The following PPP1R12A variants were observed in gnomAD, a reference collection of about 807,000 sequenced individuals.
PPP1R12A encodes myosin binding subunit.
In PPP1R12A, 19 loss-of-function variants were observed where a neutral mutation model predicts 139.6. The ratio of observed to expected loss-of-function variants is 0.14; its 90% CI spans 0.09 to 0.20. The LOEUF (loss-of-function observed/expected upper bound fraction) is 0.20. Among genes scored for constraint, PPP1R12A ranks in the 10% least tolerant of loss-of-function variants. The pLI is 1.00. For synonymous variants in PPP1R12A, 427 were observed against 420.6 expected (o/e 1.02, Z -0.19); for missense variants, 925 against 1,211.5 (o/e 0.76, Z 3.51).
At chr12:79,847,868 A>G (rs550043804) in intron 2 of PPP1R12A, among the ~76,000 whole-genome samples, 4 of 152,290 alleles carry the variant, frequency 2.6e-5, no homozygotes, top group South Asian at 2.1e-4. Flanking sequence ...TGTGATAGGA[A>G]GTATATACAG....
intron 22 of PPP1R12A, chr12:79,782,326 C>T: frequency 4.5e-6 from 1 of 220,306 alleles, no homozygotes; most frequent in South Asian, 5.9e-5. Flanking sequence ...TTTTTATCTT[C>T]TCCCACAGCT....
At chr12:79,828,061 A>T in intron 5 of PPP1R12A, 1 of 241,128 alleles carries the variant, frequency 4.1e-6, no homozygotes, top group Non-Finnish European at 7.8e-6. Flanking sequence ...AATCTACTCT[A>T]CATGTATGGC....
chr12:79,870,335 C>T (rs1306348847), intron 2 of PPP1R12A, among the ~76,000 whole-genome samples: 3 of 152,080 alleles, frequency 2.0e-5, no homozygotes, highest in South Asian at 4.2e-4. Context: ...AGGCTGGTCT[C>T]GAACTCCTGA....
In PPP1R12A at chr12:79,774,312, G is replaced by A. The variant is rs544986004; in HGVS notation, c.*1617C>T. The A allele has an allele frequency of 6.6e-6, 1 of 152,414 alleles. No homozygotes were observed. Among genetic ancestry groups the A allele is most frequent in the African/African-American group, 2.4e-5 (1 of 41,476 alleles). 9.4% of individuals were successfully genotyped at this position (152,414 alleles called of 1,614,324 possible). ...TCATAAAACCAATCGAGAGAGAGAG[G>A]ACTTAAAATCCTGCTTACCAAAACA... On this transcript the variant is annotated 3_prime_UTR_variant, in exon 25 of 25. Coordinates refer to ENST00000450142, the MANE Select transcript of PPP1R12A (RefSeq NM_002480.3).
intron 1 of PPP1R12A, among the ~76,000 whole-genome samples, chr12:79,931,684 C>T (rs532865485): frequency 6.6e-6 from 1 of 151,998 alleles, no homozygotes; most frequent in Non-Finnish European, 1.5e-5. Flanking sequence ...TGATTATTGC[C>T]CCATTGGTAA....
intron 14 of PPP1R12A, among the ~76,000 whole-genome samples, chr12:79,804,662 T>C (rs1323623554): frequency 1.3e-5 from 2 of 151,900 alleles, no homozygotes; most frequent in Non-Finnish European, 2.9e-5. Flanking sequence ...AAAAATTAGT[T>C]ACATAGTTCA....
intron 9 of PPP1R12A, among the ~76,000 whole-genome samples, chr12:79,815,731 A>G (rs1202186094): frequency 6.6e-6 from 1 of 152,218 alleles, no homozygotes; most frequent in African/African-American, 2.4e-5. Flanking sequence ...ACAGTCTTCA[A>G]AATTTTGCAG....
chr12:79,833,044 G>T (rs1201090133), intron 3 of PPP1R12A, among the ~76,000 whole-genome samples: 2 of 151,882 alleles, frequency 1.3e-5, no homozygotes, highest in African/African-American at 4.8e-5. Context: ...CATAATTTTA[G>T]TAAGTTATAT....
At chr12:79,924,049 A>G (rs1887648491) in intron 1 of PPP1R12A, among the ~76,000 whole-genome samples, 1 of 152,216 alleles carries the variant, frequency 6.6e-6, no homozygotes, top group African/African-American at 2.4e-5. Context: ...GTCTCAAAAA[A>G]TAAAATAAAA....
At chr12:79,837,010 G>A (rs1437377895) in intron 3 of PPP1R12A, among the ~76,000 whole-genome samples, 1 of 152,098 alleles carries the variant, frequency 6.6e-6, no homozygotes, top group Non-Finnish European at 1.5e-5. Context: ...TACATATAAA[G>A]TGTTTTAGAT....
chr12:79,898,600 C>T (rs373997027), intron 1 of PPP1R12A, among the ~76,000 whole-genome samples: 1 of 152,160 alleles, frequency 6.6e-6, no homozygotes, highest in African/African-American at 2.4e-5. Flanking sequence ...TTGCTGCAAA[C>T]GAAGAAATAG....
At chr12:79,844,499 C>T (rs193084410) in intron 3 of PPP1R12A, among the ~76,000 whole-genome samples, 1 of 152,154 alleles carries the variant, frequency 6.6e-6, no homozygotes, top group Admixed American at 6.5e-5. Flanking sequence ...ATCCATAATC[C>T]AATCTCTTCT....
At chr12:79,934,000 A>C (rs1468327094) in intron 1 of PPP1R12A, among the ~76,000 whole-genome samples, 3 of 121,824 alleles carry the variant, frequency 2.5e-5, no homozygotes, top group African/African-American at 8.0e-5. Flanking sequence ...ATCAGACTCA[A>C]CACGTTCCGG....
intron 1 of PPP1R12A, among the ~76,000 whole-genome samples, chr12:79,879,394 G>T (rs1252690348): frequency 6.6e-6 from 1 of 151,862 alleles, no homozygotes; most frequent in Non-Finnish European, 1.5e-5. Context: ...CCAAATTGCT[G>T]GTGAAAGTAT....
chr12:79,809,749 G>C, intron 10 of PPP1R12A, 46 bp downstream of exon 10: 1 of 1,455,160 alleles, frequency 6.9e-7, no homozygotes, highest in Non-Finnish European at 9.4e-7. Flanking sequence ...TCCTGGAAAA[G>C]AAATCATAAC....
At chr12:79,776,132 A>G in intron 24 of PPP1R12A, 117 bp from the exon 25 acceptor site, 1 of 600,880 alleles carries the variant, frequency 1.7e-6, no homozygotes, top group South Asian at 3.5e-5. Context: ...TGTCAGTTAT[A>G]TATATTTCTA....
chr12:79,916,960 A>T (rs534361702), intron 1 of PPP1R12A, among the ~76,000 whole-genome samples: 1 of 151,472 alleles, frequency 6.6e-6, no homozygotes, highest in South Asian at 2.1e-4. Context: ...CAAAATCTGT[A>T]TTTCCCTCCC....
chr12:79,917,015 T>C (rs961788344), intron 1 of PPP1R12A, among the ~76,000 whole-genome samples: 18 of 152,176 alleles, frequency 1.2e-4, no homozygotes, highest in Non-Finnish European at 7.4e-5. Flanking sequence ...CCAGATTTTT[T>C]CCCTATGTAA....
intron 9 of PPP1R12A, among the ~76,000 whole-genome samples, chr12:79,812,734 G>A (rs1874765655): frequency 6.6e-6 from 1 of 151,976 alleles, no homozygotes; most frequent in African/African-American, 2.4e-5. Context: ...TTGAAACTCA[G>A]TATGTCTAAA....
Sources: gnomAD v4.1 joint callset for allele counts (sites outside exome capture counted in the v4.1 genomes callset) on GRCh38, gnomAD v4.1.1 for gene constraint, MANE v1.5 for transcripts, NCBI Gene and HGNC (gene_info 2026-07-23, HGNC 2026-07-21) for gene names.